The following MEIS2 variants were observed in gnomAD, a reference collection of about 807,000 sequenced individuals.
The protein encoded by MEIS2 is Meis homeobox 2, also known as homeobox protein Meis2.
Under a neutral mutation model 58.6 loss-of-function variants are expected in MEIS2, and 9 were observed. The ratio of observed to expected loss-of-function variants is 0.15; its 90% CI spans 0.09 to 0.27. The LOEUF is 0.27. MEIS2 is among the 10% of genes least tolerant of loss of function. The pLI, the probability that MEIS2 is intolerant of heterozygous loss-of-function variation, is 1.00. For synonymous variants in MEIS2, 221 were observed against 228.4 expected, an observed-to-expected ratio of 0.97 and a Z score of 0.29; for missense variants, 427 against 635.0, an observed-to-expected ratio of 0.67 and a Z score of 3.52.
At chr15:37,091,448 G>T (rs915746607) in intron 6 of MEIS2, among the ~76,000 whole-genome samples, 5 of 152,192 alleles carry the variant, frequency 3.3e-5, no homozygotes, top group Non-Finnish European at 5.9e-5. Flanking sequence ...GAAATAAAAG[G>T]CTTTAAATTA....
Position 37,096,412 on chromosome 15 carries a change from C to T in MEIS2, c.264G>A (p.Leu88=). 6.2e-7 allele frequency: 1 copy of T among 1,613,676 alleles called. No individual in the cohort carries two copies. The highest frequency in any genetic ancestry group is 1.1e-5 in the South Asian group (1 of 91,016). The stretch of plus-strand genomic sequence containing the variant: ...CGCACTTCTCAAAGACCAGAGCTAA[C>T]AGAGGAAACAACGGGTGCCTAACGG... ...DAIYGHPLFP[L]LALVFEKCEL... The change falls in exon 3 of 12, where the codon CTG becomes CTA. Residue 88 remains leucine (L), a synonymous_variant. Coordinates refer to ENST00000561208, the MANE Select transcript of MEIS2 (RefSeq NM_170675.5).
intron 9 of MEIS2, among the ~76,000 whole-genome samples, chr15:36,911,249 G>T (rs572481307): frequency 1.3e-5 from 2 of 151,422 alleles, no homozygotes; most frequent in African/African-American, 2.4e-5. Context: ...GTTTGAAACC[G>T]AAGAATAATC....
intron 8 of MEIS2, among the ~76,000 whole-genome samples, chr15:36,971,576 G>C (rs1043973325): frequency 1.2e-4 from 8 of 66,212 alleles, no homozygotes; most frequent in Non-Finnish European, 2.2e-4. Context: ...GGCTGTTCCA[G>C]TGATAGCAAG....
intron 7 of MEIS2, among the ~76,000 whole-genome samples, chr15:37,054,332 G>A (rs949154194): frequency 6.7e-5 from 10 of 148,360 alleles, no homozygotes; most frequent in African/African-American, 2.4e-4. Flanking sequence ...CCTGACCTAT[G>A]AGAGGCCAGT....
At chr15:36,997,886 A>G (rs2060581056) in intron 8 of MEIS2, among the ~76,000 whole-genome samples, 1 of 152,144 alleles carries the variant, frequency 6.6e-6, no homozygotes, top group African/African-American at 2.4e-5. Context: ...TTCCACATTC[A>G]GTTTACTGGT....
At chr15:37,026,826 C>T (rs1309207078) in intron 8 of MEIS2, among the ~76,000 whole-genome samples, 2 of 152,028 alleles carry the variant, frequency 1.3e-5, no homozygotes, top group East Asian at 3.9e-4. Context: ...TCTATTATAA[C>T]CAAGAAGTAA....
chr15:36,949,582 A>G (rs2058685998), intron 9 of MEIS2, among the ~76,000 whole-genome samples: 1 of 152,052 alleles, frequency 6.6e-6, no homozygotes, highest in African/African-American at 2.4e-5. Flanking sequence ...CTGAATTTTG[A>G]AAGAGAACTG....
At chr15:37,058,651 A>T (rs999492717) in intron 7 of MEIS2, among the ~76,000 whole-genome samples, 1 of 152,256 alleles carries the variant, frequency 6.6e-6, no homozygotes, top group Non-Finnish European at 1.5e-5. Context: ...TGATTTCTGC[A>T]TTAAAAATGT....
intron 7 of MEIS2, among the ~76,000 whole-genome samples, chr15:37,059,904 G>A: frequency 6.7e-6 from 1 of 149,604 alleles, no homozygotes; most frequent in East Asian, 2.0e-4. Context: ...TCATGCCACT[G>A]CACTCCAGCG....
chr15:36,991,783 C>CTTTTTTT (rs11285545), intron 8 of MEIS2, among the ~76,000 whole-genome samples: 3,920 of 49,472 alleles, frequency 0.079, no homozygotes, highest in South Asian at 0.11. Flanking sequence ...TTTTTTTTTT[C>CTTTTTTT]TTTTTTTTTT....
At chr15:37,080,186 T>C (rs1345056113) in intron 7 of MEIS2, among the ~76,000 whole-genome samples, 2 of 152,152 alleles carry the variant, frequency 1.3e-5, no homozygotes, top group African/African-American at 4.8e-5. Context: ...AATACAAAGT[T>C]ATCTTTACTC....
At chr15:37,071,814 T>G (rs1360347295) in intron 7 of MEIS2, among the ~76,000 whole-genome samples, 1 of 152,052 alleles carries the variant, frequency 6.6e-6, no homozygotes, top group Non-Finnish European at 1.5e-5. Flanking sequence ...TGCCTGTGAG[T>G]GCTCTATGCC....
At chr15:37,029,391 T>C (rs763066489) in intron 8 of MEIS2, among the ~76,000 whole-genome samples, 2 of 152,198 alleles carry the variant, frequency 1.3e-5, no homozygotes, top group Admixed American at 6.5e-5. Flanking sequence ...CTATTTGTAT[T>C]ATGTAGACCA....
At chr15:36,903,361 A>C (rs1336021387) in intron 9 of MEIS2, among the ~76,000 whole-genome samples, 8 of 152,226 alleles carry the variant, frequency 5.3e-5, no homozygotes, top group Admixed American at 2.0e-4. Flanking sequence ...CACATCTAGG[A>C]TCTATCCTCT....
At chr15:37,019,889 G>T (rs1181845870) in intron 8 of MEIS2, among the ~76,000 whole-genome samples, 1 of 152,158 alleles carries the variant, frequency 6.6e-6, no homozygotes, top group Non-Finnish European at 1.5e-5. Context: ...TTTTAAAATT[G>T]CATACATAGT....
intron 9 of MEIS2, 37 bp downstream of exon 9, chr15:36,950,287 G>T (rs1456571572): frequency 1.3e-6 from 2 of 1,487,484 alleles, no homozygotes; most frequent in African/African-American, 1.4e-5. Context: ...TCTCATTTTA[G>T]CCATGGGAGA....
chr15:36,954,331 G>A (rs991615144), intron 8 of MEIS2, among the ~76,000 whole-genome samples: 18 of 151,176 alleles, frequency 1.2e-4, no homozygotes, highest in African/African-American at 4.3e-4. Flanking sequence ...AATATACACT[G>A]AATCATGTTG....
chr15:36,992,796 G>C (rs1468630054), intron 8 of MEIS2, among the ~76,000 whole-genome samples: 1 of 151,706 alleles, frequency 6.6e-6, no homozygotes, highest in African/African-American at 2.4e-5. Context: ...AAGAGGGGGA[G>C]AGAAGGGGGG....
At chr15:36,951,068 T>C (rs1219442619) in intron 8 of MEIS2, among the ~76,000 whole-genome samples, 2 of 152,166 alleles carry the variant, frequency 1.3e-5, no homozygotes, top group Non-Finnish European at 2.9e-5. Context: ...CAATACTTCA[T>C]ATAGAAATTT....
Sources: gnomAD v4.1 joint callset for allele counts (sites outside exome capture counted in the v4.1 genomes callset) on GRCh38, gnomAD v4.1.1 for gene constraint, MANE v1.5 for transcripts, NCBI Gene and HGNC (gene_info 2026-07-23, HGNC 2026-07-21) for gene names.